Variants in RALYL observed in about 807,000 individuals in gnomAD.
RALYL encodes RALY RNA binding protein like.
Under a neutral mutation model 35.1 loss-of-function variants are expected in RALYL, and 29 were observed. The observed-to-expected ratio is 0.83, with a 90% confidence interval of 0.61 to 1.13. The LOEUF (loss-of-function observed/expected upper bound fraction) is 1.13. Ranked by LOEUF, RALYL falls within the 50% of genes most tolerant of loss-of-function variation. RALYL has a pLI of 0.00. For synonymous variants in RALYL, 120 were observed against 127.6 expected (o/e 0.94, Z 0.40); for missense variants, 359 against 360.4 (o/e 1.00, Z 0.03).
At chr8:84,545,148 A>T (rs1422589334) in intron 2 of RALYL, among the ~76,000 whole-genome samples, 1 of 152,116 alleles carries the variant, frequency 6.6e-6, no homozygotes, top group Non-Finnish European at 1.5e-5. Flanking sequence ...ATATCCATAC[A>T]GTTATCCAGC....
intron 5 of RALYL, among the ~76,000 whole-genome samples, chr8:84,852,274 T>C (rs377574767): frequency 1.8e-4 from 28 of 152,132 alleles, no homozygotes; most frequent in African/African-American, 4.3e-4. Context: ...AGTTATCCTT[T>C]TCTGACAAAA....
chr8:84,625,171 A>T (rs1026265821), intron 2 of RALYL, among the ~76,000 whole-genome samples: 1 of 152,222 alleles, frequency 6.6e-6, no homozygotes, highest in East Asian at 1.9e-4. Context: ...TCAATTTCAC[A>T]GTCCTTAATT....
In RALYL at chr8:84,318,808, G is replaced by A. The variant is rs894374248; in HGVS notation, c.-24+134384G>A. On this transcript the variant is annotated intron_variant, in intron 1 of 8. Coordinates refer to ENST00000521268, the MANE Select transcript of RALYL (RefSeq NM_173848.7). ...GTTTACAATATAGGAAAACTAGCAG[G>A]TAATTCTATGAAGCATGTCCATTAG... Among the ~76,000 whole-genome samples the A allele has an allele frequency of 2.6e-5, 4 of 152,060 alleles. No homozygotes were observed. The East Asian group carries it at 5.8e-4, about 22-fold the overall frequency.
At chr8:84,443,061 T>C (rs1330564635) in intron 1 of RALYL, among the ~76,000 whole-genome samples, 1 of 152,146 alleles carries the variant, frequency 6.6e-6, no homozygotes, top group Non-Finnish European at 1.5e-5. Context: ...GGCCACATTG[T>C]AAGGACTTAG....
In RALYL at chr8:84,205,538, C is replaced by A. The variant is rs146745398; in HGVS notation, c.-24+21114C>A. Reference sequence around the variant, plus strand: ...GGAAAGCCACTGTAGCTATTTTACTCGGAAGTTTTATCTTTTCAATATTCT... The same window carrying A: ...GGAAAGCCACTGTAGCTATTTTACTAGGAAGTTTTATCTTTTCAATATTCT... On this transcript the variant is annotated intron_variant, in intron 1 of 8. Coordinates refer to ENST00000521268, the MANE Select transcript of RALYL (RefSeq NM_173848.7). 2.5e-3 allele frequency among the ~76,000 whole-genome samples: 378 copies of A among 152,208 alleles called. 3 individuals carry two copies. The highest frequency in any genetic ancestry group is 7.9e-3 in the African/African-American group (329 of 41,526).
chr8:84,457,426 G>A (rs1339665243), intron 1 of RALYL, among the ~76,000 whole-genome samples: 10 of 151,814 alleles, frequency 6.6e-5, no homozygotes, highest in South Asian at 2.1e-4. Flanking sequence ...CTTTAATCAT[G>A]TAGGCCATGT....
rs370803914 is a variant in RALYL, at chr8:84,553,827, C to T, written c.256+24250C>T. On this transcript the variant is annotated intron_variant, in intron 2 of 8. Transcript: ENST00000521268. ...CCTATACTGTCTATTTTATTTCTTA[C>T]GTGTATATCTATGTTAATATTTAAA... Among the ~76,000 whole-genome samples, 56 of 151,988 alleles carry T rather than the reference C, an allele frequency of 3.7e-4. 3 individuals carry two copies. The South Asian group carries it at 0.011, about 29-fold the overall frequency.
chr8:84,669,450 T>C (rs1286119244), intron 2 of RALYL, among the ~76,000 whole-genome samples: 2 of 146,718 alleles, frequency 1.4e-5, no homozygotes, highest in Non-Finnish European at 3.0e-5. Flanking sequence ...TAGTCCCCAG[T>C]AGTTAGTTAT....
intron 4 of RALYL, among the ~76,000 whole-genome samples, chr8:84,810,737 A>G (rs565717219): frequency 4.1e-4 from 63 of 152,284 alleles, no homozygotes; most frequent in African/African-American, 1.4e-3. Flanking sequence ...ACCATTATAT[A>G]ATGTCCCTCT....
At chr8:84,727,140 A>G (rs1845114654) in intron 2 of RALYL, among the ~76,000 whole-genome samples, 1 of 152,104 alleles carries the variant, frequency 6.6e-6, no homozygotes, top group South Asian at 2.1e-4. Flanking sequence ...AGACATTATA[A>G]TAAAAATACA....
At chr8:84,362,708 TTG>T (rs529334806) in intron 1 of RALYL, among the ~76,000 whole-genome samples, 137 of 152,054 alleles carry the variant, frequency 9.0e-4, no homozygotes, top group African/African-American at 3.0e-3. Context: ...CATAGAAAAA[TTG>T]TCTTTCAGGA....
chr8:84,743,818 T>C (rs1348321380), intron 2 of RALYL, among the ~76,000 whole-genome samples: 2 of 152,104 alleles, frequency 1.3e-5, no homozygotes, highest in African/African-American at 2.4e-5. Context: ...GACATTACGC[T>C]AACTGAAATA....
intron 2 of RALYL, among the ~76,000 whole-genome samples, chr8:84,687,348 T>C (rs1837018021): frequency 6.6e-6 from 1 of 152,142 alleles, no homozygotes; most frequent in Non-Finnish European, 1.5e-5. Flanking sequence ...TTGTTGAGTA[T>C]TGTATATCTG....
chr8:84,403,529 T>TG (rs2043145297), intron 1 of RALYL, among the ~76,000 whole-genome samples: 3 of 128,978 alleles, frequency 2.3e-5, no homozygotes, highest in African/African-American at 1.0e-4. Context: ...TCTCTGTTTT[T>TG]TTTTTTTTTT....
chr8:84,720,942 A>C (rs1380768108), intron 2 of RALYL, among the ~76,000 whole-genome samples: 1 of 152,166 alleles, frequency 6.6e-6, no homozygotes. Context: ...ATGAGATATT[A>C]TCTCACCCAG....
chr8:84,214,327 T>C (rs1820266549), intron 1 of RALYL, among the ~76,000 whole-genome samples: 1 of 152,152 alleles, frequency 6.6e-6, no homozygotes, highest in Non-Finnish European at 1.5e-5. Flanking sequence ...AAACTATTTC[T>C]GATAATTAGA....
chr8:84,720,145 G>A (rs534229393), intron 2 of RALYL, among the ~76,000 whole-genome samples: 16 of 151,838 alleles, frequency 1.1e-4, no homozygotes, highest in African/African-American at 3.1e-4. Context: ...TGTTGAAATA[G>A]AAAAAAACTC....
intron 3 of RALYL, among the ~76,000 whole-genome samples, chr8:84,801,551 A>C (rs1373262185): frequency 1.3e-5 from 2 of 152,158 alleles, no homozygotes; most frequent in East Asian, 3.9e-4. Flanking sequence ...TTCCCTGTAA[A>C]ATGAAGGCTT....
intron 1 of RALYL, among the ~76,000 whole-genome samples, chr8:84,195,146 T>C (rs1225234554): frequency 6.6e-6 from 1 of 152,118 alleles, no homozygotes; most frequent in Non-Finnish European, 1.5e-5. Context: ...TTCCATAATG[T>C]CTCTTCTGTG....
Sources: allele counts gnomAD v4.1 joint callset (sites outside exome capture counted in the v4.1 genomes callset), GRCh38; gene constraint gnomAD v4.1.1; transcripts MANE v1.5; gene names NCBI Gene and HGNC (gene_info 2026-07-23, HGNC 2026-07-21).